The following HCN1 variants were observed in gnomAD, a reference collection of about 807,000 sequenced individuals.
HCN1 encodes the protein potassium/sodium hyperpolarization-activated cyclic nucleotide-gated channel 1.
A neutral mutation model predicts 78.9 loss-of-function variants in HCN1; 13 were observed. The ratio of observed to expected loss-of-function variants is 0.16; its 90% CI spans 0.11 to 0.26. The LOEUF (loss-of-function observed/expected upper bound fraction) is 0.26. HCN1 is among the 10% of genes least tolerant of loss of function. The pLI is 1.00. For synonymous variants in HCN1, 552 were observed against 455.5 expected, an observed-to-expected ratio of 1.21 and a Z score of -2.70; for missense variants, 810 against 1,154.3, an observed-to-expected ratio of 0.70 and a Z score of 4.32.
chr5:45,314,982 A>AACTTTAATGATGGGGAT (rs1745947859), intron 5 of HCN1, among the ~76,000 whole-genome samples: 1 of 152,154 alleles, frequency 6.6e-6, no homozygotes, highest in Non-Finnish European at 1.5e-5. Flanking sequence ...TTAACATCCC[A>AACTTTAATGATGGGGAT]CTGTCAACAT....
intron 2 of HCN1, among the ~76,000 whole-genome samples, chr5:45,632,954 T>C (rs1316049699): frequency 1.3e-5 from 2 of 152,052 alleles, no homozygotes; most frequent in Non-Finnish European, 2.9e-5. Context: ...GTCATGCAAG[T>C]GCCTGAATGC....
intron 2 of HCN1, among the ~76,000 whole-genome samples, chr5:45,474,436 TATC>T (rs1741471897): frequency 6.6e-6 from 1 of 151,900 alleles, no homozygotes; most frequent in Non-Finnish European, 1.5e-5. Context: ...TTTGGACAAT[TATC>T]ATCTCTCACT....
At chr5:45,607,727 G>A (rs1744751145) in intron 2 of HCN1, among the ~76,000 whole-genome samples, 1 of 151,394 alleles carries the variant, frequency 6.6e-6, no homozygotes, top group Non-Finnish European at 1.5e-5. Context: ...ATAGAATCAG[G>A]GAAATGCAAC....
At chr5:45,611,360 C>T (rs961078072) in intron 2 of HCN1, among the ~76,000 whole-genome samples, 9 of 150,060 alleles carry the variant, frequency 6.0e-5, no homozygotes, top group African/African-American at 2.2e-4. Context: ...CAATCTCCAC[C>T]TCCCGGGTTC....
intron 6 of HCN1, among the ~76,000 whole-genome samples, chr5:45,272,413 T>C (rs551334518): frequency 1.1e-4 from 16 of 152,112 alleles, no homozygotes; most frequent in Non-Finnish European, 2.1e-4. Flanking sequence ...TTCTGTTTCC[T>C]AAATAATGGC....
chr5:45,307,516 C>T (rs1380745271), intron 5 of HCN1, among the ~76,000 whole-genome samples: 1 of 152,092 alleles, frequency 6.6e-6, no homozygotes, highest in African/African-American at 2.4e-5. Context: ...TTGATGTAAT[C>T]AGAAGAGCAT....
intron 2 of HCN1, among the ~76,000 whole-genome samples, chr5:45,551,056 G>A (rs1353519311): frequency 6.6e-6 from 1 of 151,912 alleles, no homozygotes; most frequent in Non-Finnish European, 1.5e-5. Context: ...TTCACAAAAT[G>A]ACAACTCATT....
At chr5:45,383,019 G>A (rs1747839344) in intron 4 of HCN1, among the ~76,000 whole-genome samples, 2 of 152,080 alleles carry the variant, frequency 1.3e-5, no homozygotes, top group Admixed American at 6.6e-5. Context: ...TAGGAGGTTT[G>A]TCATAACGTT....
intron 6 of HCN1, among the ~76,000 whole-genome samples, chr5:45,277,235 G>C (rs1579773364): frequency 1.3e-5 from 2 of 152,006 alleles, no homozygotes; most frequent in South Asian, 2.1e-4. Context: ...CAAATCTTTT[G>C]CTTCATAATA....
At chr5:45,687,400 T>G (rs964180979) in intron 1 of HCN1, among the ~76,000 whole-genome samples, 4 of 152,196 alleles carry the variant, frequency 2.6e-5, no homozygotes, top group African/African-American at 9.6e-5. Flanking sequence ...TTTGACCTTA[T>G]AAATTAGTTA....
intron 6 of HCN1, among the ~76,000 whole-genome samples, chr5:45,295,481 A>G (rs903308730): frequency 6.6e-6 from 1 of 151,998 alleles, no homozygotes; most frequent in African/African-American, 2.4e-5. Flanking sequence ...TGCTAAGAAG[A>G]CTGGATGAGG....
chr5:45,261,681 AG>A lies in HCN1; in HGVS notation c.*239del. ...CATTTTAAATCCTTTAATGATTTAA[AG>A]AAAGGAAGACATATAACACTGAATG... On this transcript the variant is annotated 3_prime_UTR_variant, in exon 8 of 8. Coordinates refer to ENST00000303230, the MANE Select transcript of HCN1 (RefSeq NM_021072.4). 1 of 339,490 alleles carries A rather than the reference AG, an allele frequency of 2.9e-6. No homozygotes were observed. The highest frequency in any genetic ancestry group is 5.7e-5 in the South Asian group (1 of 17,602). The allele number at this position is 339,490 out of a possible 1,614,324, so 21.0% of individuals were successfully genotyped here.
chr5:45,648,067 C>T (rs566215696), intron 1 of HCN1, among the ~76,000 whole-genome samples: 93 of 152,206 alleles, frequency 6.1e-4, no homozygotes, highest in African/African-American at 1.9e-3. Context: ...ATGGATTAAA[C>T]GAGACGATAT....
chr5:45,334,179 C>T (rs2111956307), intron 5 of HCN1, among the ~76,000 whole-genome samples: 1 of 151,916 alleles, frequency 6.6e-6, no homozygotes, highest in African/African-American at 2.4e-5. Flanking sequence ...AAAACTATAA[C>T]TTAAGCCATT....
chr5:45,282,644 G>A (rs1416903351), intron 6 of HCN1, among the ~76,000 whole-genome samples: 1 of 152,096 alleles, frequency 6.6e-6, no homozygotes, highest in East Asian at 1.9e-4. Context: ...AACTAGTACT[G>A]TCTCTAATTA....
At position 45,587,629 on chromosome 5, in the gene HCN1, C is replaced by T. The variant is rs544316087; in HGVS notation, c.849+57556G>A. On this transcript the variant is annotated intron_variant, in intron 2 of 7. Transcript: ENST00000303230. The stretch of plus-strand genomic sequence containing the variant: ...CGAGTGAATGGGTGCAGCACACCAA[C>T]ATGGCACATGTATACATATGTAACA... Among the ~76,000 whole-genome samples, 9 of 152,118 alleles carry T rather than the reference C, an allele frequency of 5.9e-5. 1 individual carries two copies. In the South Asian group the frequency reaches 1.9e-3, roughly 32 times the overall value.
At chr5:45,313,529 T>A (rs769925973) in intron 5 of HCN1, among the ~76,000 whole-genome samples, 1 of 152,132 alleles carries the variant, frequency 6.6e-6, no homozygotes, top group African/African-American at 2.4e-5. Context: ...ATGACTTCGA[T>A]GAGTTGAGAG....
intron 4 of HCN1, among the ~76,000 whole-genome samples, chr5:45,362,485 T>G (rs1315794493): frequency 6.6e-6 from 1 of 152,102 alleles, no homozygotes; most frequent in Non-Finnish European, 1.5e-5. Flanking sequence ...TTATAAACAA[T>G]GAAAGAAGTG....
At chr5:45,350,149 A>G (rs1746858269) in intron 5 of HCN1, among the ~76,000 whole-genome samples, 1 of 152,226 alleles carries the variant, frequency 6.6e-6, no homozygotes, top group African/African-American at 2.4e-5. Context: ...AACCGAATCC[A>G]GCAGCACATC....
Sources: allele counts gnomAD v4.1 joint callset (sites outside exome capture counted in the v4.1 genomes callset), GRCh38; gene constraint gnomAD v4.1.1; transcripts MANE v1.5; gene names NCBI Gene and HGNC (gene_info 2026-07-23, HGNC 2026-07-21).